The following FIRRM variants were observed in gnomAD, a reference collection of about 807,000 sequenced individuals.
FIRRM encodes the protein FIGNL1-interacting regulator of recombination and mitosis.
chr1:169,850,331 TC>T, the FIRRM span: 1 of 1,606,920 alleles, frequency 6.2e-7, no homozygotes, highest in Non-Finnish European at 8.5e-7. Context: ...CAAAGTTGTA[TC>T]CTTTCTGGAG....
At chr1:169,793,712 C>T in the FIRRM span, 2 of 1,546,052 alleles carry the variant, frequency 1.3e-6, no homozygotes, top group Non-Finnish European at 8.7e-7. Flanking sequence ...ATTAAATGCA[C>T]ACAATCTTTA....
the FIRRM span, chr1:169,830,699 T>C: frequency 3.1e-6 from 5 of 1,613,534 alleles, no homozygotes; most frequent in Admixed American, 3.3e-5. Context: ...ATTGCAGATA[T>C]GGGACTGCTG....
At chr1:169,839,314 A>G in the FIRRM span, among the ~76,000 whole-genome samples, 1 of 152,188 alleles carries the variant, frequency 6.6e-6, no homozygotes, top group South Asian at 2.1e-4. Flanking sequence ...GTAGAATGGT[A>G]GTTCTGAGTT....
At chr1:169,847,769 C>T in the FIRRM span, 4 of 1,612,844 alleles carry the variant, frequency 2.5e-6, 1 homozygote, top group South Asian at 2.2e-5. Flanking sequence ...TTTGTATCTT[C>T]TTTAGGAAAA....
chr1:169,803,337 A>G, the FIRRM span: 4 of 1,607,366 alleles, frequency 2.5e-6, no homozygotes, highest in South Asian at 4.4e-5. Flanking sequence ...TATACTTTGA[A>G]TGGTATATAA....
chr1:169,793,321 C>T, the FIRRM span: 1 of 1,614,138 alleles, frequency 6.2e-7, no homozygotes, highest in Non-Finnish European at 8.5e-7. Flanking sequence ...ACTTAACATG[C>T]TGGAAACCTG....
At chr1:169,851,975 G>A in the FIRRM span, 1 of 1,613,498 alleles carries the variant, frequency 6.2e-7, no homozygotes, top group Non-Finnish European at 8.5e-7. Context: ...CTTTAACAAG[G>A]CAAATTCTGC....
chr1:169,853,735 T>G, the FIRRM span: 1 of 1,613,914 alleles, frequency 6.2e-7, no homozygotes, highest in Non-Finnish European at 8.5e-7. Context: ...ATCTTCCCAG[T>G]TCAGCTCCCC....
the FIRRM span, among the ~76,000 whole-genome samples, chr1:169,817,386 T>G: frequency 0.066 from 10,092 of 152,292 alleles, 430 homozygotes; most frequent in Non-Finnish European, 0.099. Context: ...GCAGCCTCTG[T>G]TAAAGCCATA....
the FIRRM span, among the ~76,000 whole-genome samples, chr1:169,808,196 C>T: frequency 6.6e-6 from 1 of 152,122 alleles, no homozygotes; most frequent in Non-Finnish European, 1.5e-5. Flanking sequence ...GCATTCTTCT[C>T]AGAATCCTTT....
At chr1:169,798,974 T>C in the FIRRM span, 1 of 1,114,098 alleles carries the variant, frequency 9.0e-7, no homozygotes, top group Non-Finnish European at 1.3e-6. Context: ...TAAAATTGTT[T>C]TAACTGTATG....
At chr1:169,834,677 C>G in the FIRRM span, among the ~76,000 whole-genome samples, 2 of 152,120 alleles carry the variant, frequency 1.3e-5, no homozygotes, top group Admixed American at 6.5e-5. Flanking sequence ...TCACACCTAA[C>G]AGCTGATCTG....
the FIRRM span, among the ~76,000 whole-genome samples, chr1:169,785,316 G>T: frequency 1.3e-5 from 2 of 152,226 alleles, no homozygotes; most frequent in East Asian, 1.9e-4. Context: ...GTGGGCATGT[G>T]TTACAGTGCA....
chr1:169,847,741 C>T, the FIRRM span: 37 of 1,613,538 alleles, frequency 2.3e-5, no homozygotes, highest in East Asian at 1.8e-4. Flanking sequence ...TGACTATGTT[C>T]GTTTGGCAAT....
At chr1:169,827,908 T>C in the FIRRM span, 1 of 1,533,564 alleles carries the variant, frequency 6.5e-7, no homozygotes, top group Admixed American at 2.0e-5. Context: ...TGGAATGGTC[T>C]TGAAATTAAG....
the FIRRM span, among the ~76,000 whole-genome samples, chr1:169,792,258 A>C: frequency 6.6e-6 from 1 of 152,254 alleles, no homozygotes; most frequent in African/African-American, 2.4e-5. Context: ...CACAGACTTG[A>C]GAGAAGAAAT....
the FIRRM span, among the ~76,000 whole-genome samples, chr1:169,831,241 T>G: frequency 7.6e-3 from 1,165 of 152,352 alleles, 6 homozygotes; most frequent in Non-Finnish European, 0.013. Flanking sequence ...CAGAAAATTA[T>G]TTTATAATGA....
chr1:169,850,998 T>A, the FIRRM span: 2 of 54,308 alleles, frequency 3.7e-5, no homozygotes, highest in Non-Finnish European at 7.8e-5. Context: ...TTTTTTTTTT[T>A]TTTTTTTTAT....
the FIRRM span, among the ~76,000 whole-genome samples, chr1:169,789,656 C>A: frequency 6.6e-6 from 1 of 152,100 alleles, no homozygotes; most frequent in African/African-American, 2.4e-5. Context: ...CCAAAAAAGA[C>A]AATTTAGGAA....
Sources: gnomAD v4.1 joint callset for allele counts (sites outside exome capture counted in the v4.1 genomes callset) on GRCh38, gnomAD v4.1.1 for gene constraint, MANE v1.5 for transcripts, NCBI Gene and HGNC (gene_info 2026-07-23, HGNC 2026-07-21) for gene names.